SOX6: variants seen among roughly 807,000 people sequenced by gnomAD.
SOX6 encodes transcription factor SOX-6.
SOX6 carries 11 observed loss-of-function variants against 97.8 expected under a neutral mutation model. The ratio of observed to expected loss-of-function variants is 0.11; its 90% confidence interval spans 0.07 to 0.19. The LOEUF (loss-of-function observed/expected upper bound fraction) is 0.19, where lower values mean the gene tolerates loss of function less well. Among genes scored for constraint, SOX6 ranks in the 10% least tolerant of loss-of-function variants. The pLI is 1.00. For synonymous variants in SOX6, 360 were observed against 371.4 expected, an observed-to-expected ratio of 0.97 and a Z score of 0.35; for missense variants, 810 against 1,039.5, an observed-to-expected ratio of 0.78 and a Z score of 3.04.
At chr11:16,305,188 T>C (rs183205112) in intron 3 of SOX6, among the ~76,000 whole-genome samples, 1,631 of 152,230 alleles carry the variant, frequency 0.011, 24 homozygotes, top group Non-Finnish European at 0.013. Context: ...GACTAGTATT[T>C]AGAATAATAA....
At chr11:16,460,913 C>T (rs1420377619) in intron 1 of SOX6, among the ~76,000 whole-genome samples, 1 of 152,126 alleles carries the variant, frequency 6.6e-6, no homozygotes, top group Non-Finnish European at 1.5e-5. Context: ...TGCCTACACA[C>T]TTTAGGTCCT....
At chr11:16,661,854 G>A (rs1847768507) in intron 3 of SOX6, among the ~76,000 whole-genome samples, 1 of 152,160 alleles carries the variant, frequency 6.6e-6, no homozygotes, top group South Asian at 2.1e-4. Context: ...AGTCCTAATT[G>A]AGCATTTTAT....
At chr11:16,233,736 G>T (rs1590050179) in intron 4 of SOX6, among the ~76,000 whole-genome samples, 2 of 152,034 alleles carry the variant, frequency 1.3e-5, no homozygotes, top group Non-Finnish European at 2.9e-5. Context: ...CAGGCCCGGT[G>T]CGGTGACTCA....
chr11:16,362,100 T>C (rs1857224031), intron 1 of SOX6, among the ~76,000 whole-genome samples: 1 of 152,020 alleles, frequency 6.6e-6, no homozygotes, highest in African/African-American at 2.4e-5. Context: ...AAAATCCCAG[T>C]CCCCTAAAAC....
At chr11:16,292,954 T>G (rs1324711135) in intron 3 of SOX6, among the ~76,000 whole-genome samples, 1 of 152,176 alleles carries the variant, frequency 6.6e-6, no homozygotes, top group Non-Finnish European at 1.5e-5. Flanking sequence ...GTAAATATAA[T>G]TTTTAAATCA....
chr11:16,081,945 G>A (rs548515630), intron 9 of SOX6, among the ~76,000 whole-genome samples: 12 of 152,234 alleles, frequency 7.9e-5, no homozygotes, highest in South Asian at 2.1e-4. Flanking sequence ...GACCTGGTGC[G>A]ACTGTGGAGT....
intron 1 of SOX6, among the ~76,000 whole-genome samples, chr11:16,345,285 C>G (rs1590143577): frequency 6.6e-6 from 1 of 152,052 alleles, no homozygotes; most frequent in East Asian, 1.9e-4. Context: ...TGGGGCATAA[C>G]TATTATCAAG....
intron 4 of SOX6, among the ~76,000 whole-genome samples, chr11:16,215,909 T>C (rs1852359788): frequency 6.6e-6 from 1 of 152,172 alleles, no homozygotes; most frequent in Non-Finnish European, 1.5e-5. Context: ...GTATGAAAGA[T>C]TTGAAAAGTG....
intron 4 of SOX6, among the ~76,000 whole-genome samples, chr11:16,511,149 C>A (rs1860874553): frequency 6.6e-6 from 1 of 152,106 alleles, no homozygotes; most frequent in African/African-American, 2.4e-5. Context: ...TTACAAGCAA[C>A]CTAAACTCAC....
At chr11:16,059,152 C>G (rs148462365) in intron 9 of SOX6, among the ~76,000 whole-genome samples, 4 of 152,026 alleles carry the variant, frequency 2.6e-5, no homozygotes, top group African/African-American at 9.7e-5. Context: ...TTTGTCTTCT[C>G]TTTCCATTTC....
chr11:16,613,417 C>A lies in SOX6; in HGVS notation n.430-1157G>T, dbSNP rs190037833. Among the ~76,000 whole-genome samples, 1 of 152,136 alleles carries A rather than the reference C, an allele frequency of 6.6e-6. No homozygotes were observed. Among genetic ancestry groups the A allele is most frequent in the Admixed American group, 6.5e-5 (1 of 15,302 alleles). ...AGATTAGCAAATCTTCTACCGCTGG[C>A]GGCGGCAACCAGAGCCTCTGTCTTG... On this transcript the variant is annotated intron_variant and non_coding_transcript_variant, in intron 3 of 5. Transcript: ENST00000524520. This position sits in a 1 kb window ranked among gnomAD's most constrained non-coding sequence, Gnocchi z 4.6.
chr11:16,023,496 T>C (rs896601764), intron 12 of SOX6, among the ~76,000 whole-genome samples: 3 of 152,168 alleles, frequency 2.0e-5, no homozygotes, highest in Non-Finnish European at 4.4e-5. Flanking sequence ...AAAAGACAGA[T>C]AAATACAAAG....
chr11:16,561,947 T>C (rs1847820260), intron 4 of SOX6, among the ~76,000 whole-genome samples: 1 of 151,920 alleles, frequency 6.6e-6, no homozygotes, highest in Admixed American at 6.6e-5. Flanking sequence ...GGCAGGTCTC[T>C]AACTCCTGAC....
At chr11:16,703,252 G>T (rs1848108142) in intron 3 of SOX6, among the ~76,000 whole-genome samples, 1 of 151,908 alleles carries the variant, frequency 6.6e-6, no homozygotes, top group Non-Finnish European at 1.5e-5. Context: ...CATATACACC[G>T]ATGCTAAATG....
At chr11:15,994,435 T>C (rs906120154) in intron 13 of SOX6, among the ~76,000 whole-genome samples, 3 of 135,912 alleles carry the variant, frequency 2.2e-5, no homozygotes, top group African/African-American at 8.2e-5. Flanking sequence ...TGGGTTTATG[T>C]AAAAAAAAAA....
At chr11:15,998,876 T>C (rs1388129226) in intron 13 of SOX6, among the ~76,000 whole-genome samples, 1 of 152,056 alleles carries the variant, frequency 6.6e-6, no homozygotes, top group Non-Finnish European at 1.5e-5. Flanking sequence ...AAATGACTCT[T>C]AGATACAACA....
At chr11:16,671,847 A>G (rs1210119209) in intron 3 of SOX6, among the ~76,000 whole-genome samples, 1 of 152,236 alleles carries the variant, frequency 6.6e-6, no homozygotes, top group South Asian at 2.1e-4. Context: ...ACACACAGCC[A>G]TCAGATTTTC....
At chr11:16,349,222 T>C (rs1856843959) in intron 1 of SOX6, among the ~76,000 whole-genome samples, 1 of 152,196 alleles carries the variant, frequency 6.6e-6, no homozygotes, top group South Asian at 2.1e-4. Context: ...CATTCAAATT[T>C]ATATCATTCC....
intron 3 of SOX6, among the ~76,000 whole-genome samples, chr11:16,698,800 G>C (rs937421705): frequency 1.3e-5 from 2 of 152,152 alleles, no homozygotes; most frequent in Admixed American, 6.5e-5. Context: ...AGAGCAGTTA[G>C]AACACACAAC....
Sources: allele counts gnomAD v4.1 joint callset (sites outside exome capture counted in the v4.1 genomes callset), GRCh38; gene constraint gnomAD v4.1.1; non-coding constraint Gnocchi (gnomAD v3.1); transcripts MANE v1.5; gene names NCBI Gene and HGNC (gene_info 2026-07-23, HGNC 2026-07-21).